Variants in BRINP2 observed in about 807,000 individuals in gnomAD.
BRINP2 encodes BMP/retinoic acid-inducible neural-specific protein 2.
Under a neutral mutation model 69.2 loss-of-function variants are expected in BRINP2, and 21 were observed. The observed-to-expected ratio is 0.30, with a 90% confidence interval of 0.22 to 0.44. BRINP2 has a LOEUF of 0.44. Among genes scored for constraint, BRINP2 ranks in the 20% least tolerant of loss-of-function variants. BRINP2 has a pLI of 1.00. For missense variants in BRINP2, 877 were observed against 986.0 expected, an observed-to-expected ratio of 0.89 and a Z score of 1.48; for synonymous variants, 380 against 394.1, an observed-to-expected ratio of 0.96 and a Z score of 0.42.
intron 2 of BRINP2, among the ~76,000 whole-genome samples, chr1:177,235,054 G>A (rs978347186): frequency 2.0e-5 from 3 of 152,114 alleles, no homozygotes; most frequent in Non-Finnish European, 4.4e-5. Flanking sequence ...CCAATTTTTG[G>A]CAACCTTGTA....
intron 2 of BRINP2, among the ~76,000 whole-genome samples, chr1:177,238,524 G>A (rs1301138611): frequency 6.6e-6 from 1 of 152,244 alleles, no homozygotes; most frequent in Non-Finnish European, 1.5e-5. Context: ...TGAGCTGACT[G>A]TGAGGAGGGG....
At chr1:177,179,790 C>A (rs1648195147) in intron 1 of BRINP2, among the ~76,000 whole-genome samples, 1 of 152,054 alleles carries the variant, frequency 6.6e-6, no homozygotes, top group African/African-American at 2.4e-5. Context: ...GTGAATTGGA[C>A]TGGAGGGAGA....
chr1:177,218,584 C>T (rs963124135), intron 1 of BRINP2, among the ~76,000 whole-genome samples: 2 of 152,146 alleles, frequency 1.3e-5, no homozygotes, highest in Non-Finnish European at 2.9e-5. Flanking sequence ...CTCCTCCATT[C>T]CCCATTTCCA....
intron 1 of BRINP2, among the ~76,000 whole-genome samples, chr1:177,229,381 G>A (rs913543173): frequency 1.3e-5 from 2 of 152,170 alleles, no homozygotes; most frequent in African/African-American, 4.8e-5. Context: ...CCCACAGTCT[G>A]AGGCAACTGC....
chr1:177,172,088 G>A (rs938349500), intron 1 of BRINP2, among the ~76,000 whole-genome samples: 2 of 152,206 alleles, frequency 1.3e-5, no homozygotes, highest in African/African-American at 2.4e-5. Context: ...AGAAGATGAC[G>A]AGGACTTTTG....
At chr1:177,241,503 T>A (rs1005537546) in intron 2 of BRINP2, among the ~76,000 whole-genome samples, 5 of 152,172 alleles carry the variant, frequency 3.3e-5, no homozygotes, top group African/African-American at 4.8e-5. Context: ...GGTTCTTTCC[T>A]CCTCCTTCCC....
In BRINP2 at chr1:177,280,571, G is replaced by A. The variant is rs370813148; in HGVS notation, c.1395G>A (p.Ala465=). Residue 465 remains alanine (A), a synonymous_variant, in exon 8 of 8, where the codon GCG becomes GCA. Coordinates refer to ENST00000361539, the MANE Select transcript of BRINP2 (RefSeq NM_021165.4). The part of the protein sequence containing the change: ...PIPCALGEGP[A]CAHCAPDNST... ...CATGTGCCTTGGGCGAAGGGCCCGC[G>A]TGTGCCCACTGTGCTCCAGACAATA... 1.6e-4 allele frequency: 254 copies of A among 1,614,040 alleles called. No homozygotes were observed. Among genetic ancestry groups the A allele is most frequent in the Non-Finnish European group, 1.9e-4 (219 of 1,180,018 alleles).
intron 1 of BRINP2, among the ~76,000 whole-genome samples, chr1:177,205,227 A>G (rs1242704897): frequency 6.6e-6 from 1 of 151,698 alleles, no homozygotes; most frequent in Non-Finnish European, 1.5e-5. Flanking sequence ...CACAATCTCC[A>G]CCTCCTGGGT....
chr1:177,229,678 G>C (rs929715533), intron 1 of BRINP2, 123 bp from the exon 2 acceptor site: 18 of 643,602 alleles, frequency 2.8e-5, no homozygotes, highest in Non-Finnish European at 3.9e-5. Context: ...TAAATGCCGA[G>C]AACGAAGTTA....
chr1:177,197,332 C>T (rs992878360), intron 1 of BRINP2, among the ~76,000 whole-genome samples: 22 of 152,092 alleles, frequency 1.4e-4, no homozygotes, highest in African/African-American at 5.3e-4. Flanking sequence ...ATCATGAGAA[C>T]AGCACCAAAG....
At chr1:177,204,032 A>G (rs1356745623) in intron 1 of BRINP2, among the ~76,000 whole-genome samples, 1 of 152,166 alleles carries the variant, frequency 6.6e-6, no homozygotes, top group Non-Finnish European at 1.5e-5. Context: ...CTGTGGTTGA[A>G]GGCACCAGAT....
At chr1:177,188,457 T>G (rs1264211743) in intron 1 of BRINP2, among the ~76,000 whole-genome samples, 1 of 152,030 alleles carries the variant, frequency 6.6e-6, no homozygotes, top group Non-Finnish European at 1.5e-5. Context: ...GAAAAAAATA[T>G]AGCAAAGAAA....
intron 1 of BRINP2, among the ~76,000 whole-genome samples, chr1:177,200,322 A>AAAAAAAAAAAAAAT (rs1648871974): frequency 2.0e-5 from 3 of 146,770 alleles, no homozygotes; most frequent in Non-Finnish European, 4.5e-5. Flanking sequence ...AAAAAAAAAA[A>AAAAAAAAAAAAAAT]GAATGCATTA....
intron 1 of BRINP2, among the ~76,000 whole-genome samples, chr1:177,182,984 T>G (rs1648306416): frequency 6.6e-6 from 1 of 151,694 alleles, no homozygotes; most frequent in Non-Finnish European, 1.5e-5. Flanking sequence ...CTTTTTTTTC[T>G]TTTTTTGCCC....
intron 1 of BRINP2, among the ~76,000 whole-genome samples, chr1:177,181,278 C>T (rs752795551): frequency 2.2e-4 from 34 of 151,626 alleles, no homozygotes; most frequent in Non-Finnish European, 3.8e-4. Flanking sequence ...TCCCAATACT[C>T]CTCAGTTGTG....
At chr1:177,224,218 A>T (rs1183687238) in intron 1 of BRINP2, among the ~76,000 whole-genome samples, 1 of 152,156 alleles carries the variant, frequency 6.6e-6, no homozygotes, top group Non-Finnish European at 1.5e-5. Flanking sequence ...ACACCCTCAG[A>T]TTTATTCAAG....
At chr1:177,213,663 G>A (rs750266611) in intron 1 of BRINP2, among the ~76,000 whole-genome samples, 9 of 152,260 alleles carry the variant, frequency 5.9e-5, no homozygotes, top group Middle Eastern at 3.4e-3. Flanking sequence ...TCACTGAGTC[G>A]TGGACGTGTG....
chr1:177,203,804 A>C (rs1434769395), intron 1 of BRINP2, among the ~76,000 whole-genome samples: 3 of 152,230 alleles, frequency 2.0e-5, no homozygotes, highest in Non-Finnish European at 4.4e-5. Flanking sequence ...ACAGAGTTTG[A>C]CCAAACAATG....
intron 1 of BRINP2, among the ~76,000 whole-genome samples, chr1:177,173,394 G>A (rs1182653480): frequency 6.6e-6 from 1 of 152,198 alleles, no homozygotes; most frequent in African/African-American, 2.4e-5. Flanking sequence ...GTCAGCTGGC[G>A]CCAAAGTGTT....
Sources: allele counts gnomAD v4.1 joint callset (sites outside exome capture counted in the v4.1 genomes callset), GRCh38; gene constraint gnomAD v4.1.1; transcripts MANE v1.5; gene names NCBI Gene and HGNC (gene_info 2026-07-23, HGNC 2026-07-21).